Variants in ABCD4 observed in about 807,000 individuals in gnomAD.
ABCD4 encodes the protein ATP binding cassette subfamily D member 4, also known as lysosomal cobalamin transporter ABCD4.
In ABCD4, 53 loss-of-function variants were observed where a neutral mutation model predicts 86.3. The ratio of observed to expected loss-of-function variants is 0.61; its 90% CI spans 0.49 to 0.77. ABCD4 has a LOEUF of 0.77. ABCD4 is among the 30% of genes least tolerant of loss of function. The probability of loss-of-function intolerance (pLI) is 0.00; values close to 1 mark genes in which losing one functional copy is unlikely to be tolerated. For missense variants in ABCD4, 757 were observed against 764.5 expected, an observed-to-expected ratio of 0.99 and a Z score of 0.12; for synonymous variants, 328 against 313.6, an observed-to-expected ratio of 1.05 and a Z score of -0.49.
rs1233402782 is a variant in ABCD4, at chr14:74,302,883, A to G, written c.30T>C (p.Ala10=). 1.2e-6 allele frequency: 2 copies of G among 1,607,548 alleles called. No individual in the cohort carries two copies. Among genetic ancestry groups the G allele is most frequent in the African/African-American group, 2.7e-5 (2 of 74,410 alleles). The change falls in exon 1 of 19, where the codon GCT becomes GCC. Residue 10 remains alanine (A), a synonymous_variant. Transcript: ENST00000356924. MAVAGPAPG[A]GARPRLDLQF... is the part of the protein sequence containing the mutation. Reference sequence around the variant, plus strand: ...CCGACCGCCCTGCTTACCTGGCGCCAGCTCCGGGCGCGGGCCCCGCGACCG... The same window carrying G: ...CCGACCGCCCTGCTTACCTGGCGCCGGCTCCGGGCGCGGGCCCCGCGACCG...
intron 1 of ABCD4, among the ~76,000 whole-genome samples, chr14:74,301,160 C>G (rs866178117): frequency 3.2e-5 from 4 of 124,352 alleles, no homozygotes; most frequent in African/African-American, 1.2e-4. Flanking sequence ...GGCCTAAAAT[C>G]TTTTTTTTTT....
At chr14:74,299,495 G>A (rs1038229244) in intron 3 of ABCD4, 53 bp downstream of exon 3, 4 of 1,601,932 alleles carry the variant, frequency 2.5e-6, no homozygotes, top group Non-Finnish European at 3.4e-6. Flanking sequence ...TAGGCATTAC[G>A]GTCACACTGG....
At chr14:74,290,246 C>CT (rs2081112668) in intron 12 of ABCD4, 45 bp downstream of exon 12, 3 of 1,612,810 alleles carry the variant, frequency 1.9e-6, no homozygotes, top group Non-Finnish European at 1.7e-6. Flanking sequence ...CACCCCACCC[C>CT]TAGGGCCCAG....
At chr14:74,298,397 G>A (rs1405664044) in intron 3 of ABCD4, among the ~76,000 whole-genome samples, 6 of 152,062 alleles carry the variant, frequency 3.9e-5, no homozygotes, top group South Asian at 2.1e-4. Flanking sequence ...TCAGCCTCCC[G>A]AGTAGCTGGG....
At chr14:74,289,668 C>A in intron 13 of ABCD4, 149 bp from the exon 14 acceptor site, 1 of 1,461,430 alleles carries the variant, frequency 6.8e-7, no homozygotes, top group Non-Finnish European at 9.0e-7. Context: ...AGGCTCTGGC[C>A]GGCAGACAGC....
chr14:74,292,262 A>G (rs777683774), intron 11 of ABCD4, 25 bp downstream of exon 11: 3 of 1,611,196 alleles, frequency 1.9e-6, no homozygotes, highest in Middle Eastern at 1.6e-4. Context: ...AGCCTCAACT[A>G]CTGCTCTGCC....
At chr14:74,293,112 T>C in intron 8 of ABCD4, 42 bp downstream of exon 8, 1 of 1,595,000 alleles carries the variant, frequency 6.3e-7, no homozygotes, top group Non-Finnish European at 8.6e-7. Flanking sequence ...AGCAGACCAG[T>C]CCAACCCCAT....
At position 74,292,816 on chromosome 14, in the gene ABCD4, C is replaced by T. The variant is rs143178653; in HGVS notation, c.868G>A (p.Ala290Thr). 1.4e-5 allele frequency: 23 copies of T among 1,613,998 alleles called. No individual in the cohort carries two copies. Among genetic ancestry groups the T allele is most frequent in the East Asian group, 2.2e-5 (1 of 44,888 alleles). ...LGSILSYVVIAIPIFSGVYGD... is the reference protein window; with the variant it reads ...LGSILSYVVITIPIFSGVYGD... The stretch of plus-strand genomic sequence containing the variant: ...TAGACCCCGCTGAAAATGGGGATTG[C>T]GATGACAACGTAACTCAGGATGCTG... The change falls in exon 9 of 19, where the codon GCA (alanine) becomes ACA (threonine). Residue 290 changes from alanine to threonine, a missense_variant. Transcript: ENST00000356924.
At position 74,302,907 on chromosome 14, in the gene ABCD4, C is replaced by T. The variant is rs1486429349; in HGVS notation, c.6G>A (p.Ala2=). 2 of 1,608,468 alleles carry T rather than the reference C, an allele frequency of 1.2e-6. No individual in the cohort carries two copies. Among genetic ancestry groups the T allele is most frequent in the Non-Finnish European group, 1.7e-6 (2 of 1,177,740 alleles). M[A]VAGPAPGAGA... ...CAGCTCCGGGCGCGGGCCCCGCGAC[C>T]GCCATGACCTGAGACCCGAGGGACT... Residue 2 remains alanine (A), a synonymous_variant, in exon 1 of 19, where the codon GCG becomes GCA. Coordinates refer to ENST00000356924, the MANE Select transcript of ABCD4 (RefSeq NM_005050.4).
Position 74,288,653 on chromosome 14 carries a change from T to C in ABCD4, c.1506+63A>G, listed in dbSNP as rs557254765. The C allele has an allele frequency of 2.0e-4, 308 of 1,571,388 alleles. 1 individual carries two copies. Among genetic ancestry groups the C allele is most frequent in the South Asian group, 1.2e-3 (102 of 87,688 alleles). On this transcript the variant is annotated intron_variant, in intron 15 of 18. Coordinates refer to ENST00000356924, the MANE Select transcript of ABCD4 (RefSeq NM_005050.4). ...GCCCAAGCATAGCAGGGCCAGCACC[T>C]GCCTACCTGTAGCTGGTGCTCCCAG...
Position 74,296,121 on chromosome 14 carries a change from G to C in ABCD4, c.543-142C>G. 3 of 1,246,508 alleles carry C rather than the reference G, an allele frequency of 2.4e-6. No individual in the cohort carries two copies. In the South Asian group the frequency reaches 4.4e-5, roughly 18 times the overall value. 77.2% of individuals were successfully genotyped at this position (1,246,508 alleles called of 1,614,324 possible). On this transcript the variant is annotated intron_variant, in intron 5 of 18. Coordinates refer to ENST00000356924, the MANE Select transcript of ABCD4 (RefSeq NM_005050.4). ...AATGGGCCCTCTGCTCCTATGTGGGGGCATCTGGTATGAGCTCTCAGAGCC... is the reference window on the plus strand; with the variant it reads ...AATGGGCCCTCTGCTCCTATGTGGGCGCATCTGGTATGAGCTCTCAGAGCC...
rs774535849 is a variant in ABCD4, at chr14:74,292,345, T to C, written c.1060A>G (p.Met354Val). ...IGQLRETLLD[M>V]SLKSQDCEIL... ...TCGCAGTCCTGTGACTTCAGGGACA[T>C]GTCCAGAAGCGTCTCCCGAAGCTGC... Residue 354 changes from methionine (M) to valine (V), a missense_variant, in exon 11 of 19, where the codon ATG becomes GTG. Coordinates refer to ENST00000356924, the MANE Select transcript of ABCD4 (RefSeq NM_005050.4). 1.2e-5 allele frequency: 19 copies of C among 1,614,134 alleles called. 1 individual carries two copies. In the Admixed American group the frequency reaches 2.2e-4, roughly 18 times the overall value.
Position 74,292,595 on chromosome 14 carries a change from G to T in ABCD4, c.984C>A (p.Ile328=), listed in dbSNP as rs202052121. 6.2e-7 allele frequency: 1 copy of T among 1,614,038 alleles called. No individual in the cohort carries two copies. The highest frequency in any genetic ancestry group is 8.5e-7 in the Non-Finnish European group (1 of 1,179,996). Residue 328 remains isoleucine, a synonymous_variant, in exon 10 of 19, where the codon ATC becomes ATA. Coordinates refer to ENST00000356924, the MANE Select transcript of ABCD4 (RefSeq NM_005050.4). Reference sequence around the variant, plus strand: ...CATCTGAGAGCGTCGTGGACAGGTCGATGAGCTGGGTGAAGCAGCTGATGA... The same window carrying T: ...CATCTGAGAGCGTCGTGGACAGGTCTATGAGCTGGGTGAAGCAGCTGATGA... ...IYLISCFTQL[I]DLSTTLSDVA...
At chr14:74,293,509 C>A in intron 7 of ABCD4, 1 of 370,416 alleles carries the variant, frequency 2.7e-6, no homozygotes, top group Middle Eastern at 7.2e-4. Flanking sequence ...GTGACACAGG[C>A]AGGCTACTTA....
At position 74,290,058 on chromosome 14, in the gene ABCD4, G is replaced by A. The variant is rs1246940870; in HGVS notation, c.1388C>T (p.Pro463Leu). Reference protein sequence around the residue: ...PHGVLFLPQKPFFTDGTLREQ... With the variant: ...PHGVLFLPQKLFFTDGTLREQ... ...CCGAAGGGTCCCGTCAGTGAAGAAT[G>A]GCTTTTGTGGCAGGAATAGCACCCC... Residue 463 changes from proline to leucine, a missense_variant, in exon 13 of 19, where the codon CCA (proline) becomes CTA (leucine). By Grantham distance (98) the Pro-to-Leu change is moderately conservative. Transcript: ENST00000356924. The A allele has an allele frequency of 1.9e-6, 3 of 1,614,040 alleles. No individual in the cohort carries two copies. Among genetic ancestry groups the A allele is most frequent in the Non-Finnish European group, 2.5e-6 (3 of 1,180,038 alleles).
intron 13 of ABCD4, 31 bp from the exon 14 acceptor site, chr14:74,289,550 G>A (rs1301141466): frequency 6.2e-7 from 1 of 1,612,102 alleles, no homozygotes; most frequent in East Asian, 2.2e-5. Context: ...CACCAACCTA[G>A]GAGGGCGAGC....
At chr14:74,288,389 C>G (rs1314099696) in intron 15 of ABCD4, 130 bp from the exon 16 acceptor site, 1 of 889,282 alleles carries the variant, frequency 1.1e-6, no homozygotes, top group Non-Finnish European at 1.7e-6. Context: ...AGTGGCATAC[C>G]AAGGCGGGGG....
At position 74,297,962 on chromosome 14, in the gene ABCD4, G is replaced by T. The variant is rs1393705429; in HGVS notation, c.393C>A (p.Thr131=). The T allele has an allele frequency of 1.2e-6, 2 of 1,613,756 alleles. No homozygotes were observed. The highest frequency in any genetic ancestry group is 1.7e-6 in the Non-Finnish European group (2 of 1,179,956). ...RLYFRGRAYY[T]LNVLRDDIDN... ...CGATGTCATCCCGCAGCACGTTGAG[G>T]GTGTAGTACGCACGGCCCCGGAAGT... Residue 131 remains threonine, a synonymous_variant, in exon 4 of 19, where the codon ACC becomes ACA. Coordinates refer to ENST00000356924, the MANE Select transcript of ABCD4 (RefSeq NM_005050.4).
intron 5 of ABCD4, 140 bp from the exon 6 acceptor site, chr14:74,296,119 G>C: frequency 3.2e-6 from 4 of 1,254,804 alleles, no homozygotes; most frequent in Non-Finnish European, 4.4e-6. Flanking sequence ...CTCCTATGTG[G>C]GGGCATCTGG....
Sources: allele counts gnomAD v4.1 joint callset (sites outside exome capture counted in the v4.1 genomes callset), GRCh38; gene constraint gnomAD v4.1.1; transcripts MANE v1.5; gene names NCBI Gene and HGNC (gene_info 2026-07-23, HGNC 2026-07-21).